Variants in PDE10A observed in about 807,000 individuals in gnomAD.
The protein encoded by PDE10A is phosphodiesterase 10A.
In PDE10A, 39 loss-of-function variants were observed where a neutral mutation model predicts 97.7. The observed-to-expected ratio is 0.40, with a 90% CI of 0.31 to 0.52. The LOEUF (loss-of-function observed/expected upper bound fraction) is 0.52. PDE10A is among the 20% of genes least tolerant of loss of function. The pLI, the probability that PDE10A is intolerant of heterozygous loss-of-function variation, is 0.56. For missense variants in PDE10A, 731 were observed against 1,047.8 expected (o/e 0.70, Z 4.17); for synonymous variants, 371 against 376.8 (o/e 0.98, Z 0.18).
At chr6:165,733,080 C>T (rs935497982) in intron 1 of PDE10A, among the ~76,000 whole-genome samples, 11 of 152,176 alleles carry the variant, frequency 7.2e-5, no homozygotes, top group South Asian at 2.1e-4. Flanking sequence ...CTTCCAGAAA[C>T]GGCGTGTGTT....
intron 1 of PDE10A, among the ~76,000 whole-genome samples, chr6:165,910,491 A>T (rs1278525885): frequency 6.6e-6 from 1 of 152,218 alleles, no homozygotes; most frequent in East Asian, 1.9e-4. Flanking sequence ...GCAGGTTTAA[A>T]AACAATACTG....
intron 1 of PDE10A, among the ~76,000 whole-genome samples, chr6:165,905,329 A>G (rs1562791544): frequency 6.6e-6 from 1 of 152,228 alleles, no homozygotes; most frequent in Non-Finnish European, 1.5e-5. Flanking sequence ...TGTTTAAATT[A>G]GTAGACAATA....
intron 1 of PDE10A, among the ~76,000 whole-genome samples, chr6:165,804,977 C>T (rs1489277955): frequency 7.3e-6 from 1 of 136,900 alleles, no homozygotes; most frequent in African/African-American, 2.8e-5. Context: ...CACGGAGGGA[C>T]GGCGGGGCCT....
chr6:165,634,711 T>C (rs556695172), intron 1 of PDE10A, among the ~76,000 whole-genome samples: 5 of 152,302 alleles, frequency 3.3e-5, no homozygotes, highest in Middle Eastern at 3.4e-3. Flanking sequence ...AGGTGAAAAT[T>C]TGAACTCGTA....
intron 2 of PDE10A, among the ~76,000 whole-genome samples, chr6:165,542,072 C>T (rs1783473148): frequency 6.6e-6 from 1 of 151,920 alleles, no homozygotes; most frequent in Non-Finnish European, 1.5e-5. Context: ...AAGATAACAC[C>T]TTTTTACACT....
rs888178962 is a variant in PDE10A, at chr6:165,482,440, T to A, written c.995-97A>T. 5 of 872,856 alleles carry A rather than the reference T, an allele frequency of 5.7e-6. No homozygotes were observed. In the Admixed American group the frequency reaches 8.9e-5, roughly 15 times the overall value. The allele number at this position is 872,856 out of a possible 1,614,324, so 54.1% of individuals were successfully genotyped here. ...TTTGCTTTCAATAAACTTGAAGGGT[T>A]TTTTTGCAATGCTTCCTCTTACGAA... On this transcript the variant is annotated intron_variant, in intron 2 of 21. Transcript: ENST00000539869.
Position 165,471,437 on chromosome 6 carries a change from A to T in PDE10A, c.1023+10878T>A, listed in dbSNP as rs143199332. On this transcript the variant is annotated intron_variant, in intron 3 of 21. Transcript: ENST00000539869. ...CTCAAATTTATATCTCTAACCCAGA[A>T]CGTTTACCTAAACTCCAGTCTCATA... Among the ~76,000 whole-genome samples, 307 of 152,192 alleles carry T rather than the reference A, an allele frequency of 2.0e-3. 1 individual carries two copies. The highest frequency in any genetic ancestry group is 2.2e-3 in the Non-Finnish European group (152 of 68,008).
chr6:165,956,224 G>A (rs1316069724), intron 1 of PDE10A, among the ~76,000 whole-genome samples: 1 of 152,144 alleles, frequency 6.6e-6, no homozygotes, highest in Non-Finnish European at 1.5e-5. Context: ...TCTAGAGCCT[G>A]GAGAGCAGGG....
intron 1 of PDE10A, among the ~76,000 whole-genome samples, chr6:165,599,001 G>A (rs1180652549): frequency 1.3e-5 from 2 of 152,176 alleles, no homozygotes; most frequent in African/African-American, 4.8e-5. Context: ...GAAGAGGTGA[G>A]AAGCTGTCCT....
Position 165,333,136 on chromosome 6 carries a change from A to T in PDE10A, c.3066-9T>A, listed in dbSNP as rs772889496. The T allele has an allele frequency of 9.3e-6, 14 of 1,499,576 alleles. No homozygotes were observed. Among genetic ancestry groups the T allele is most frequent in the Non-Finnish European group, 1.2e-5 (13 of 1,075,296 alleles). 92.9% of individuals were successfully genotyped at this position (1,499,576 alleles called of 1,614,324 possible). A position where few individuals can be genotyped will look rare whatever the true frequency, so the allele number is the denominator to read the frequency against. The stretch of plus-strand genomic sequence containing the variant: ...ACTGACTGAGATTATCCCTAGGGAT[A>T]AAAGATGCAGTTTCAGGAGAAGCTG... On this transcript the variant is annotated splice_polypyrimidine_tract_variant and intron_variant, in intron 21 of 21. Coordinates refer to ENST00000539869, the MANE Select transcript of PDE10A (RefSeq NM_001385079.1).
intron 1 of PDE10A, among the ~76,000 whole-genome samples, chr6:165,807,483 C>T (rs1360715839): frequency 6.6e-6 from 1 of 152,108 alleles, no homozygotes; most frequent in Non-Finnish European, 1.5e-5. Flanking sequence ...CACAGGAAAG[C>T]AGTGAGGACA....
At chr6:165,530,775 G>A (rs1391424806) in intron 2 of PDE10A, among the ~76,000 whole-genome samples, 3 of 152,174 alleles carry the variant, frequency 2.0e-5, no homozygotes, top group South Asian at 2.1e-4. Context: ...AGTTGATACT[G>A]ACATGACAAA....
At position 165,711,885 on chromosome 6, in the gene PDE10A, T is replaced by A. The variant is rs1308288250; in HGVS notation, c.-614-168317A>T. Among the ~76,000 whole-genome samples the A allele has an allele frequency of 6.6e-6, 1 of 152,156 alleles. No individual in the cohort carries two copies. Among genetic ancestry groups the A allele is most frequent in the African/African-American group, 2.4e-5 (1 of 41,446 alleles). On this transcript the variant is annotated intron_variant, in intron 1 of 19. Transcript: ENST00000366882. The surrounding 1 kb of genome is among the most constrained non-coding windows in gnomAD (Gnocchi z 4.5). ...GTGTGTTGGTTGGTTTTATTCTGCA[T>A]CCTAGGGGTGATTGGTGACTGGGGC...
intron 1 of PDE10A, among the ~76,000 whole-genome samples, chr6:165,830,065 T>A (rs1032318055): frequency 6.6e-6 from 1 of 152,180 alleles, no homozygotes; most frequent in South Asian, 2.1e-4. Flanking sequence ...ATTGAACAAA[T>A]GAGTATCAAC....
At chr6:165,928,445 C>T (rs572214207) in intron 1 of PDE10A, among the ~76,000 whole-genome samples, 5 of 152,300 alleles carry the variant, frequency 3.3e-5, no homozygotes, top group South Asian at 2.1e-4. Context: ...CAGGTCAGCA[C>T]GTGCTCAGAC....
intron 1 of PDE10A, among the ~76,000 whole-genome samples, chr6:165,645,487 G>A (rs1789348243): frequency 1.3e-5 from 2 of 152,100 alleles, no homozygotes; most frequent in Admixed American, 6.5e-5. Flanking sequence ...AAGTCCTTAG[G>A]GTGAGTTTAC....
chr6:165,560,873 T>C (rs1784487423), intron 1 of PDE10A, among the ~76,000 whole-genome samples: 1 of 152,082 alleles, frequency 6.6e-6, no homozygotes, highest in South Asian at 2.1e-4. Flanking sequence ...TTTAGCACCA[T>C]CCTCCTGGTG....
chr6:165,787,978 C>T (rs1035639048), intron 1 of PDE10A, among the ~76,000 whole-genome samples: 1 of 152,174 alleles, frequency 6.6e-6, no homozygotes, highest in Non-Finnish European at 1.5e-5. Flanking sequence ...AAGAGACCAC[C>T]TTCATGTTCC....
intron 1 of PDE10A, among the ~76,000 whole-genome samples, chr6:165,787,987 C>A (rs1451440020): frequency 6.6e-6 from 1 of 152,170 alleles, no homozygotes. Context: ...CCTTCATGTT[C>A]CTCAATGAGA....
Sources: gnomAD v4.1 joint callset for allele counts (sites outside exome capture counted in the v4.1 genomes callset) on GRCh38, gnomAD v4.1.1 for gene constraint, Gnocchi (gnomAD v3.1) non-coding constraint, MANE v1.5 for transcripts, NCBI Gene and HGNC (gene_info 2026-07-23, HGNC 2026-07-21) for gene names.